Variants in FNDC5 observed in about 807,000 individuals in gnomAD.
FNDC5 encodes fibronectin type III domain-containing protein 5.
Under a neutral mutation model 24.6 loss-of-function variants are expected in FNDC5, and 10 were observed. The ratio of observed to expected loss-of-function variants is 0.41; its 90% CI spans 0.25 to 0.69. FNDC5 has a LOEUF of 0.69. FNDC5 is among the 30% of genes least tolerant of loss of function. The pLI is 0.34. For synonymous variants in FNDC5, 90 were observed against 110.7 expected (o/e 0.81, Z 1.18); for missense variants, 226 against 282.9 (o/e 0.80, Z 1.44).
chr1:32,870,581 AG>A (rs1339225403), intron 1 of FNDC5, 71 bp downstream of exon 1: 1 of 945,286 alleles, frequency 1.1e-6, no homozygotes, highest in Non-Finnish European at 1.3e-6. Flanking sequence ...AGAAAGGACC[AG>A]GGGACTCCCA....
Position 32,863,104 on chromosome 1 carries a change from C to G in FNDC5, c.*1190G>C, listed in dbSNP as rs1381972566. ...AGAGATACTTCCTAAATAAATTGGA[C>G]CAGTACCTTCCAAACTGATGATCTT... is the stretch of plus-strand genomic sequence containing the variant. On this transcript the variant is annotated 3_prime_UTR_variant, in exon 6 of 6. Transcript: ENST00000373471. The G allele has an allele frequency of 6.6e-6, 1 of 152,622 alleles. No homozygotes were observed. Among genetic ancestry groups the G allele is most frequent in the Non-Finnish European group, 1.5e-5 (1 of 68,184 alleles). The allele number at this position is 152,622 out of a possible 1,614,324, so 9.5% of individuals were successfully genotyped here.
upstream of FNDC5, chr1:32,872,370 C>T (rs549065114): frequency 6.6e-6 from 1 of 152,386 alleles, no homozygotes; most frequent in Non-Finnish European, 1.5e-5. Flanking sequence ...ACTGCCCAGC[C>T]CTATCATTTC....
At position 32,868,742 on chromosome 1, in the gene FNDC5, T is replaced by G; in HGVS notation, c.210+140A>C. 2 of 596,332 alleles carry G rather than the reference T, an allele frequency of 3.4e-6. No homozygotes were observed. Among genetic ancestry groups the G allele is most frequent in the Non-Finnish European group, 5.2e-6 (2 of 386,324 alleles). 36.9% of individuals were successfully genotyped at this position (596,332 alleles called of 1,614,324 possible). On this transcript the variant is annotated intron_variant, in intron 2 of 5. Transcript: ENST00000373471. The surrounding 1 kb of genome is among the most constrained non-coding windows in gnomAD (Gnocchi z 4.8). ...TGGGGCCCCAATTTTCAGACATATG[T>G]CCAAATTGCTGTTCATCTCCCTTGC... is the stretch of plus-strand genomic sequence containing the variant.
In FNDC5 at chr1:32,864,200, G is replaced by T; in HGVS notation, c.*94C>A. 1 of 1,612,778 alleles carries T rather than the reference G, an allele frequency of 6.2e-7. No homozygotes were observed. Among genetic ancestry groups the T allele is most frequent in the Non-Finnish European group, 8.5e-7 (1 of 1,179,194 alleles). ...GGAAGAGATGTAGAGAGGGCCAGAT[G>T]TTTGTTGGATAATCATCATCAGAAC... is the stretch of plus-strand genomic sequence containing the variant. On this transcript the variant is annotated 3_prime_UTR_variant, in exon 6 of 6. Coordinates refer to ENST00000373471, the MANE Select transcript of FNDC5 (RefSeq NM_153756.3).
chr1:32,870,838 CCCGGCCGGCCCGGCCGCT>C lies in FNDC5; in HGVS notation c.-110_-93del. ...CTCGCGCTCGCGCTCCGGCCCCCGG[CCCGGCCGGCCCGGCCGCT>C]CCGGCCGCCCTGCGCCGCCCCGAGC... On this transcript the variant is annotated 5_prime_UTR_variant, in exon 1 of 6. Coordinates refer to ENST00000373471, the MANE Select transcript of FNDC5 (RefSeq NM_153756.3). 2 of 265,102 alleles carry C rather than the reference CCCGGCCGGCCCGGCCGCT, an allele frequency of 7.5e-6. No homozygotes were observed. The highest frequency in any genetic ancestry group is 1.1e-5 in the Non-Finnish European group (2 of 176,542). The allele number at this position is 265,102 out of a possible 1,614,324, so 16.4% of individuals were successfully genotyped here. A position where few individuals can be genotyped will look rare whatever the true frequency, so the allele number is the denominator to read the frequency against.
intron 4 of FNDC5, 24 bp from the exon 5 acceptor site, chr1:32,864,821 C>G (rs760590429): frequency 1.2e-6 from 2 of 1,612,876 alleles, no homozygotes; most frequent in African/African-American, 2.7e-5. Flanking sequence ...AGTGAGCAGT[C>G]AGAGGCCAGA....
Position 32,870,680 on chromosome 1 carries a change from AG to A in FNDC5, c.66del (p.Cys23AlafsTer16). 3.3e-6 allele frequency: 4 copies of A among 1,206,404 alleles called. No homozygotes were observed. Among genetic ancestry groups the A allele is most frequent in the Non-Finnish European group, 4.1e-6 (4 of 971,652 alleles). The allele number at this position is 1,206,404 out of a possible 1,614,324, so 74.7% of individuals were successfully genotyped here. A position where few individuals can be genotyped will look rare whatever the true frequency, so the allele number is the denominator to read the frequency against. ...GCCTGCACCAGCGCGAAGCAGACGC[AG>A]CCCAGCCACAGGCGGAGCGCGGCGC... On this transcript the variant is annotated frameshift_variant, in exon 1 of 6. Transcript: ENST00000373471. LOFTEE classifies it high-confidence loss of function.
At chr1:32,867,973 A>T (rs1641105159) in intron 3 of FNDC5, 131 bp from the exon 4 acceptor site, 1 of 1,046,562 alleles carries the variant, frequency 9.6e-7, no homozygotes, top group African/African-American at 1.6e-5. Context: ...GAATGCACTG[A>T]TGGCTACTTG....
At chr1:32,865,733 C>T (rs777731875) in intron 4 of FNDC5, among the ~76,000 whole-genome samples, 1 of 152,078 alleles carries the variant, frequency 6.6e-6, no homozygotes, top group South Asian at 2.1e-4. Context: ...TTGTTGAGCT[C>T]GTGCCAGGCC....
Position 32,868,300 on chromosome 1 carries a change from T to G in FNDC5, c.299A>C (p.Glu100Ala). The change falls in exon 3 of 6, where the codon GAG (glutamate) becomes GCG (alanine). Residue 100 changes from glutamate (E) to alanine (A), a missense_variant. Physicochemically the swap from Glu to Ala is moderately radical, Grantham distance 107. Transcript: ENST00000373471. This position sits in a 1 kb window ranked among gnomAD's most constrained non-coding sequence, Gnocchi z 4.8. ...GATGGCCTGCACGTGGACTATGTAC[T>G]CCGTATCCTCCTCCAGGTCCCAGAG... The G allele has an allele frequency of 6.2e-7, 1 of 1,614,174 alleles. No individual in the cohort carries two copies. The highest frequency in any genetic ancestry group is 8.5e-7 in the Non-Finnish European group (1 of 1,180,024).
chr1:32,868,056 C>T lies in FNDC5; in HGVS notation c.409+134G>A. 1 of 1,161,358 alleles carries T rather than the reference C, an allele frequency of 8.6e-7. No individual in the cohort carries two copies. Among genetic ancestry groups the T allele is most frequent in the South Asian group, 1.4e-5 (1 of 72,370 alleles). 71.9% of individuals were successfully genotyped at this position (1,161,358 alleles called of 1,614,324 possible). A position where few individuals can be genotyped will look rare whatever the true frequency, so the allele number is the denominator to read the frequency against. On this transcript the variant is annotated intron_variant, in intron 3 of 5. Coordinates refer to ENST00000373471, the MANE Select transcript of FNDC5 (RefSeq NM_153756.3). This position sits in a 1 kb window ranked among gnomAD's most constrained non-coding sequence, Gnocchi z 4.8. ...GTCTTGTCAGGGACTAGCGTGAACCCTCTCTCAGGTACTGCTTTACTTGCC... is the reference window on the plus strand; with the variant it reads ...GTCTTGTCAGGGACTAGCGTGAACCTTCTCTCAGGTACTGCTTTACTTGCC...
chr1:32,866,760 C>T (rs1641078897), intron 4 of FNDC5, among the ~76,000 whole-genome samples: 1 of 152,158 alleles, frequency 6.6e-6, no homozygotes, highest in Non-Finnish European at 1.5e-5. Context: ...TTGGGCCTGG[C>T]TTCGCCCAGA....
intron 1 of FNDC5, among the ~76,000 whole-genome samples, chr1:32,869,471 C>T (rs1641137289): frequency 6.6e-6 from 1 of 152,270 alleles, no homozygotes; most frequent in South Asian, 2.1e-4. Context: ...CGAGAAGTGT[C>T]AGGCTGGGGT....
chr1:32,871,587 T>G (rs1201023225), upstream of FNDC5, among the ~76,000 whole-genome samples: 1 of 152,166 alleles, frequency 6.6e-6, no homozygotes, highest in Non-Finnish European at 1.5e-5. Flanking sequence ...CCCTGTAAAG[T>G]CATACTCTGC....
At position 32,869,467 on chromosome 1, in the gene FNDC5, G is replaced by A. The variant is rs1352475323; in HGVS notation, c.95-470C>T. ...AGGAGAAAGACCCAGAGATCGAGAA[G>A]TGTCAGGCTGGGGTGAGCCCTGGAC... On this transcript the variant is annotated intron_variant, in intron 1 of 5. Transcript: ENST00000373471. 2.0e-5 allele frequency among the ~76,000 whole-genome samples: 3 copies of A among 152,276 alleles called. No individual in the cohort carries two copies. In the East Asian group the frequency reaches 5.8e-4, roughly 29 times the overall value.
At chr1:32,867,585 G>A (rs561804509) in intron 4 of FNDC5, among the ~76,000 whole-genome samples, 168 bp downstream of exon 4, 31 of 152,284 alleles carry the variant, frequency 2.0e-4, no homozygotes, top group African/African-American at 5.8e-4. Flanking sequence ...GTGAGGTAGA[G>A]AAGGGGTCAG....
chr1:32,867,710 C>T, intron 4 of FNDC5, 43 bp downstream of exon 4: 1 of 1,590,974 alleles, frequency 6.3e-7, no homozygotes, highest in Non-Finnish European at 8.6e-7. Context: ...CCTCCATTTC[C>T]CAGAATCTGA....
chr1:32,863,385 T>TGAAA lies in FNDC5; in HGVS notation c.*905_*908dup. ...ACAGCTTCTCTGATGTTCCTTGGTC[T>TGAAA]GAAAGACACAGCTTGAGTCAGTCCT... On this transcript the variant is annotated 3_prime_UTR_variant, in exon 6 of 6. Coordinates refer to ENST00000373471, the MANE Select transcript of FNDC5 (RefSeq NM_153756.3). The TGAAA allele has an allele frequency of 4.8e-6, 1 of 207,276 alleles. No individual in the cohort carries two copies. 12.8% of individuals were successfully genotyped at this position (207,276 alleles called of 1,614,324 possible).
In FNDC5 at chr1:32,863,624, T is replaced by C; in HGVS notation, c.*670A>G. On this transcript the variant is annotated 3_prime_UTR_variant, in exon 6 of 6. Transcript: ENST00000373471. ...GACTAGGACAAGGAGAAGAGAGAAC[T>C]GTGCAGCTAGCTGTGCCTCCTCCCC... 9.6e-7 allele frequency: 1 copy of C among 1,039,522 alleles called. No individual in the cohort carries two copies. Among genetic ancestry groups the C allele is most frequent in the Middle Eastern group, 3.0e-4 (1 of 3,320 alleles). The allele number at this position is 1,039,522 out of a possible 1,614,324, so 64.4% of individuals were successfully genotyped here.
Sources: gnomAD v4.1 joint callset for allele counts (sites outside exome capture counted in the v4.1 genomes callset) on GRCh38, gnomAD v4.1.1 for gene constraint, Gnocchi (gnomAD v3.1) non-coding constraint, MANE v1.5 for transcripts, NCBI Gene and HGNC (gene_info 2026-07-23, HGNC 2026-07-21) for gene names.